The following SDK2 variants were observed in gnomAD, a reference collection of about 807,000 sequenced individuals.
SDK2 encodes the protein protein sidekick-2.
SDK2 carries 105 observed loss-of-function variants against 253.9 expected under a neutral mutation model. The observed-to-expected ratio is 0.41, with a 90% confidence interval of 0.35 to 0.49. SDK2 has a LOEUF of 0.49. Among genes scored for constraint, SDK2 ranks in the 20% least tolerant of loss-of-function variants. The pLI, the probability that SDK2 is intolerant of heterozygous loss-of-function variation, is 0.06. For synonymous variants in SDK2, 1,249 were observed against 1,234.9 expected (o/e 1.01, Z -0.24); for missense variants, 2,608 against 3,003.0 (o/e 0.87, Z 3.07).
At chr17:73,483,549 G>GTATATGTGTATATGTA (rs2063743074) in intron 2 of SDK2, among the ~76,000 whole-genome samples, 2 of 133,148 alleles carry the variant, frequency 1.5e-5, no homozygotes, top group Admixed American at 1.5e-4. Context: ...ATATATGTAT[G>GTATATGTGTATATGTA]TATATGTGTA....
chr17:73,423,446 T>G lies in SDK2; in HGVS notation c.1837A>C (p.Thr613Pro). Residue 613 changes from threonine to proline, a missense_variant, in exon 14 of 45, where the codon ACC becomes CCC. Coordinates refer to ENST00000392650, the MANE Select transcript of SDK2 (RefSeq NM_001144952.2). ...GGGCTGTTGCCATCAAAGGGCTTGG[T>G]CCACGTCAGGTTGATGGCTCGCCTT... The part of the protein sequence containing the change: ...VERRAINLTW[T>P]KPFDGNSPLI... 1 of 1,590,770 alleles carries G rather than the reference T, an allele frequency of 6.3e-7. No homozygotes were observed. Among genetic ancestry groups the G allele is most frequent in the Non-Finnish European group, 8.6e-7 (1 of 1,166,562 alleles).
At position 73,435,542 on chromosome 17, in the gene SDK2, C is replaced by T. The variant is rs759437295; in HGVS notation, c.1103G>A (p.Ser368Asn). The change falls in exon 9 of 45, where the codon AGC becomes AAC. Residue 368 changes from serine to asparagine, a missense_variant. This residue lies in a region of SDK2 where 1,505 missense variants were observed against 1,859.1 expected (regional missense o/e 0.81). Coordinates refer to ENST00000392650, the MANE Select transcript of SDK2 (RefSeq NM_001144952.2). This position sits in a 1 kb window ranked among gnomAD's most constrained non-coding sequence, Gnocchi z 5.7. ...GCCGGTATCATCGGGCACCAGGCCG[C>T]TGATCTGCAGGCCCCCGTCGTTGCG... ...RQRNDGGLQI[S>N]GLVPDDTGMF... is the part of the protein sequence containing the mutation. 3.1e-6 allele frequency: 5 copies of T among 1,596,906 alleles called. No individual in the cohort carries two copies. Among genetic ancestry groups the T allele is most frequent in the Non-Finnish European group, 4.3e-6 (5 of 1,172,256 alleles).
chr17:73,381,041 C>A, intron 33 of SDK2, 91 bp from the exon 34 acceptor site: 1 of 784,072 alleles, frequency 1.3e-6, no homozygotes, highest in Non-Finnish European at 2.2e-6. Flanking sequence ...ACAAAGAAAC[C>A]CCGGCCAGGC....
At chr17:73,605,073 C>T (rs150664573) in intron 1 of SDK2, among the ~76,000 whole-genome samples, 245 of 152,286 alleles carry the variant, frequency 1.6e-3, no homozygotes, top group African/African-American at 5.7e-3. Flanking sequence ...GGGGCAAGGC[C>T]GTAAGAGGGT....
At chr17:73,575,018 C>G (rs1000148893) in intron 1 of SDK2, among the ~76,000 whole-genome samples, 2 of 152,196 alleles carry the variant, frequency 1.3e-5, no homozygotes, top group Non-Finnish European at 2.9e-5. Flanking sequence ...AAGGACTGCT[C>G]GTATAGTCTC....
At chr17:73,365,082 T>C (rs939829384) in intron 38 of SDK2, among the ~76,000 whole-genome samples, 176 bp downstream of exon 38, 7 of 152,246 alleles carry the variant, frequency 4.6e-5, no homozygotes, top group Non-Finnish European at 1.0e-4. Context: ...CTCAACTTGC[T>C]GTTGTTTTAC....
intron 1 of SDK2, among the ~76,000 whole-genome samples, chr17:73,544,987 TCTTC>T (rs963512260): frequency 2.7e-5 from 4 of 147,350 alleles, no homozygotes; most frequent in African/African-American, 1.0e-4. Context: ...CAAGGCTCTT[TCTTC>T]CTTGGGCCTC....
intron 1 of SDK2, among the ~76,000 whole-genome samples, chr17:73,608,411 T>C (rs2045934001): frequency 6.6e-6 from 1 of 152,146 alleles, no homozygotes; most frequent in Non-Finnish European, 1.5e-5. Flanking sequence ...CAGGGTTTGC[T>C]ACCAGCATTC....
chr17:73,355,174 A>ATATATGTATTTTTTTTTTTTTTTT, intron 40 of SDK2, among the ~76,000 whole-genome samples: 7 of 47,226 alleles, frequency 1.5e-4, no homozygotes, highest in South Asian at 1.8e-3. Context: ...ATATATATAT[A>ATATATGTATTTTTTTTTTTTTTTT]TTTTTTTTTT....
chr17:73,339,665 C>T (rs2062417398), intron 44 of SDK2, among the ~76,000 whole-genome samples: 1 of 151,516 alleles, frequency 6.6e-6, no homozygotes, highest in African/African-American at 2.4e-5. Flanking sequence ...GCTATCCTCC[C>T]ATGTCAGCCT....
At chr17:73,604,179 G>A (rs982361732) in intron 1 of SDK2, among the ~76,000 whole-genome samples, 3 of 152,218 alleles carry the variant, frequency 2.0e-5, no homozygotes, top group Non-Finnish European at 2.9e-5. Context: ...TGGAAATAAC[G>A]TGCTCACACA....
intron 1 of SDK2, among the ~76,000 whole-genome samples, chr17:73,622,062 G>A (rs767927431): frequency 3.3e-5 from 5 of 152,178 alleles, no homozygotes; most frequent in Non-Finnish European, 5.9e-5. Flanking sequence ...TCAACAATTA[G>A]ACAATTGGTA....
At chr17:73,428,988 G>A (rs2063305669) in intron 12 of SDK2, among the ~76,000 whole-genome samples, 1 of 152,194 alleles carries the variant, frequency 6.6e-6, no homozygotes, top group South Asian at 2.1e-4. Flanking sequence ...GGCCTACAGA[G>A]TGGGTCTGCA....
At position 73,483,639 on chromosome 17, in the gene SDK2, ATATG is replaced by A. The variant is rs1333445610; in HGVS notation, c.225-11425_225-11422del. Reference sequence around the variant, plus strand: ...TGTATATATATGTATATGTATATATATATGTGTGTGTGTGTGTGTGTGTATATAT... The same window carrying A: ...TGTATATATATGTATATGTATATATATGTGTGTGTGTGTGTGTGTATATAT... On this transcript the variant is annotated intron_variant, in intron 2 of 44. Coordinates refer to ENST00000392650, the MANE Select transcript of SDK2 (RefSeq NM_001144952.2). 1.7e-3 allele frequency among the ~76,000 whole-genome samples: 82 copies of A among 48,226 alleles called. 5 individuals are homozygous for A. Among genetic ancestry groups the A allele is most frequent in the African/African-American group, 5.1e-3 (67 of 13,174 alleles). The allele number at this position is 48,226 out of a possible 152,430, so 31.6% of individuals were successfully genotyped here. A position where few individuals can be genotyped will look rare whatever the true frequency, so the allele number is the denominator to read the frequency against.
intron 12 of SDK2, among the ~76,000 whole-genome samples, chr17:73,425,160 C>T (rs937888605): frequency 3.3e-5 from 5 of 152,056 alleles, no homozygotes; most frequent in Non-Finnish European, 7.4e-5. Context: ...GTGGAGGTTG[C>T]GGGGAGCCGA....
rs1461173741 is a variant in SDK2 at position 73,424,023 on chromosome 17, G to A, written c.1653C>T (p.Asn551=). 8.1e-6 allele frequency: 13 copies of A among 1,612,496 alleles called. No homozygotes were observed. The highest frequency in any genetic ancestry group is 5.3e-5 in the African/African-American group (4 of 74,918). ...ESHPRIRLDR[N]GSLHISQTWS... is the part of the protein sequence containing the mutation. Reference sequence around the variant, plus strand: ...ACGTCTGTGAGATGTGCAGGGAGCCGTTTCTGTCCAGGCGGATACGAGGAT... The same window carrying A: ...ACGTCTGTGAGATGTGCAGGGAGCCATTTCTGTCCAGGCGGATACGAGGAT... Residue 551 remains asparagine, a synonymous_variant, in exon 13 of 45, where the codon AAC becomes AAT. Transcript: ENST00000392650.
chr17:73,549,481 A>C (rs758729979), intron 1 of SDK2, among the ~76,000 whole-genome samples: 2 of 152,194 alleles, frequency 1.3e-5, no homozygotes, highest in Admixed American at 6.5e-5. Context: ...AATCGCAAAC[A>C]AAGATTCAGC....
chr17:73,356,286 C>A (rs528359708), intron 40 of SDK2, among the ~76,000 whole-genome samples: 4 of 152,190 alleles, frequency 2.6e-5, no homozygotes, highest in African/African-American at 9.7e-5. Context: ...CTGTTTAACC[C>A]CCCTTGTTCC....
At chr17:73,490,175 T>C (rs2063796213) in intron 2 of SDK2, among the ~76,000 whole-genome samples, 1 of 152,142 alleles carries the variant, frequency 6.6e-6, no homozygotes, top group African/African-American at 2.4e-5. Flanking sequence ...TTGACTTCCC[T>C]AGCAAGGCTG....
Sources: gnomAD v4.1 joint callset for allele counts (sites outside exome capture counted in the v4.1 genomes callset) on GRCh38, gnomAD v4.1.1 for gene constraint, gnomAD v4.1.1 regional missense constraint, Gnocchi (gnomAD v3.1) non-coding constraint, MANE v1.5 for transcripts, NCBI Gene and HGNC (gene_info 2026-07-23, HGNC 2026-07-21) for gene names.